ACAD11: variants seen among roughly 807,000 people sequenced by gnomAD.
The protein encoded by ACAD11 is acyl-Coenzyme A dehydrogenase family, member 11.
ACAD11 carries 83 observed loss-of-function variants against 102.2 expected under a neutral mutation model. The ratio of observed to expected loss-of-function variants is 0.81; its 90% CI spans 0.68 to 0.97. The LOEUF is 0.97. Among genes scored for constraint, ACAD11 ranks in the 50% least tolerant of loss-of-function variants. The probability of loss-of-function intolerance (pLI) is 0.00; values close to 1 mark genes in which losing one functional copy is unlikely to be tolerated. For missense variants in ACAD11, 901 were observed against 951.7 expected, an observed-to-expected ratio of 0.95 and a Z score of 0.70; for synonymous variants, 324 against 319.8, an observed-to-expected ratio of 1.01 and a Z score of -0.14.
intron 17 of ACAD11, among the ~76,000 whole-genome samples, chr3:132,569,978 G>A (rs774211275): frequency 5.9e-5 from 9 of 152,172 alleles, no homozygotes; most frequent in Non-Finnish European, 1.3e-4. Flanking sequence ...GGATTCAAGA[G>A]ATCTATATGT....
chr3:132,650,565 C>T (rs550207756), intron 1 of ACAD11, among the ~76,000 whole-genome samples: 2 of 152,196 alleles, frequency 1.3e-5, no homozygotes, highest in Admixed American at 6.5e-5. Context: ...TCTGAATATA[C>T]ACAGGGTAAG....
chr3:132,619,561 GA>G lies in ACAD11; in HGVS notation c.1198-17del. On this transcript the variant is annotated splice_polypyrimidine_tract_variant and intron_variant, in intron 9 of 19. Coordinates refer to ENST00000264990, the MANE Select transcript of ACAD11 (RefSeq NM_032169.5). ...CAGTTACCTCCTTAAAGTAATAAAA[GA>G]AAAAAATTTCACTAGCTAAAGTTAA... is the stretch of plus-strand genomic sequence containing the variant. The G allele has an allele frequency of 1.4e-6, 2 of 1,478,208 alleles. No homozygotes were observed. Among genetic ancestry groups the G allele is most frequent in the Non-Finnish European group, 9.1e-7 (1 of 1,093,748 alleles). 91.6% of individuals were successfully genotyped at this position (1,478,208 alleles called of 1,614,324 possible).
chr3:132,646,137 C>T (rs1940708930), intron 1 of ACAD11, among the ~76,000 whole-genome samples: 1 of 152,132 alleles, frequency 6.6e-6, no homozygotes. Context: ...CCACCGCACC[C>T]GGCTAATTTT....
chr3:132,579,634 C>T, intron 13 of ACAD11, 76 bp from the exon 14 acceptor site: 2 of 1,169,086 alleles, frequency 1.7e-6, no homozygotes, highest in Admixed American at 3.6e-5. Flanking sequence ...GGTTCTAATC[C>T]TTCCCACTTT....
intron 1 of ACAD11, among the ~76,000 whole-genome samples, chr3:132,655,339 A>T (rs146247783): frequency 3.9e-5 from 6 of 152,250 alleles, no homozygotes; most frequent in Non-Finnish European, 7.4e-5. Flanking sequence ...GTTTGTTTAA[A>T]GATTACTTCC....
Position 132,627,239 on chromosome 3 carries a change from T to C in ACAD11, c.1071-422A>G, listed in dbSNP as rs147612612. Among the ~76,000 whole-genome samples the C allele has an allele frequency of 2.7e-3, 411 of 152,280 alleles. 2 individuals are homozygous for C. Among genetic ancestry groups the C allele is most frequent in the African/African-American group, 9.5e-3 (396 of 41,550 alleles). On this transcript the variant is annotated intron_variant, in intron 8 of 19. Coordinates refer to ENST00000264990, the MANE Select transcript of ACAD11 (RefSeq NM_032169.5). ...TCAAGTGTGGTAGCCTGGTATTCAA[T>C]GTGTGAGGTGGGCGCCTGTTGGCAG...
intron 2 of ACAD11, among the ~76,000 whole-genome samples, chr3:132,643,699 G>C (rs772112590): frequency 3.9e-5 from 6 of 152,120 alleles, no homozygotes; most frequent in Non-Finnish European, 7.4e-5. Context: ...GTGGAAAGAA[G>C]TGTTAACCAC....
intron 1 of ACAD11, among the ~76,000 whole-genome samples, chr3:132,649,006 C>T (rs1940821556): frequency 6.6e-6 from 1 of 152,224 alleles, no homozygotes; most frequent in African/African-American, 2.4e-5. Context: ...GCCTTGTTAA[C>T]AAAATGTTTA....
chr3:132,618,399 G>A (rs1335159796), intron 11 of ACAD11: 1 of 443,228 alleles, frequency 2.3e-6, no homozygotes, highest in Non-Finnish European at 3.9e-6. Context: ...CAATCCCTTT[G>A]GTGGCTAATT....
chr3:132,587,385 A>G (rs1481949046), intron 13 of ACAD11, among the ~76,000 whole-genome samples: 1 of 151,798 alleles, frequency 6.6e-6, no homozygotes, highest in Non-Finnish European at 1.5e-5. Context: ...TTCCTCTGTT[A>G]TCTCCATTAT....
At chr3:132,577,052 T>G (rs1301697407) in intron 15 of ACAD11, 37 bp from the exon 16 acceptor site, 2 of 1,300,298 alleles carry the variant, frequency 1.5e-6, no homozygotes, top group Non-Finnish European at 2.2e-6. Flanking sequence ...GCAAAAGGAG[T>G]TGACTAAAAA....
At chr3:132,614,156 G>A (rs1004666217) in intron 11 of ACAD11, among the ~76,000 whole-genome samples, 35 of 152,164 alleles carry the variant, frequency 2.3e-4, no homozygotes, top group African/African-American at 8.2e-4. Context: ...ACAAACCACT[G>A]CTCAAGGAAA....
chr3:132,631,318 TA>T (rs765199537), intron 6 of ACAD11, 22 bp downstream of exon 6: 1 of 1,351,264 alleles, frequency 7.4e-7, no homozygotes, highest in South Asian at 2.2e-5. Flanking sequence ...AATAGCAATT[TA>T]GACAACATTA....
At position 132,615,376 on chromosome 3, in the gene ACAD11, G is replaced by A. The variant is rs575109132; in HGVS notation, c.1414+3258C>T. ...TTCTACTATAAAGACACATGCACAT[G>A]TATGTTTATTGCAGCACTATTCACA... is the stretch of plus-strand genomic sequence containing the variant. On this transcript the variant is annotated intron_variant, in intron 11 of 19. Transcript: ENST00000264990. 4.6e-5 allele frequency among the ~76,000 whole-genome samples: 7 copies of A among 152,284 alleles called. No individual in the cohort carries two copies. In the East Asian group the frequency reaches 1.2e-3, roughly 25 times the overall value.
At chr3:132,596,744 A>G (rs1938325689) in intron 13 of ACAD11, among the ~76,000 whole-genome samples, 1 of 152,228 alleles carries the variant, frequency 6.6e-6, no homozygotes, top group South Asian at 2.1e-4. Flanking sequence ...TGGGACAAGG[A>G]TAGAGAAAGT....
chr3:132,573,777 A>G (rs1478108435), intron 17 of ACAD11, among the ~76,000 whole-genome samples: 1 of 152,258 alleles, frequency 6.6e-6, no homozygotes, highest in Admixed American at 6.5e-5. Context: ...TTAAATGGGT[A>G]GAAACTAGGT....
At position 132,619,647 on chromosome 3, in the gene ACAD11, T is replaced by G. The variant is rs1461944945; in HGVS notation, c.1198-102A>C. 6.7e-6 allele frequency: 4 copies of G among 593,662 alleles called. No individual in the cohort carries two copies. The African/African-American group carries it at 7.7e-5, about 11-fold the overall frequency. 36.8% of individuals were successfully genotyped at this position (593,662 alleles called of 1,614,324 possible). A position where few individuals can be genotyped will look rare whatever the true frequency, so the allele number is the denominator to read the frequency against. ...TAAAATAAACATTTTTAGGTGAAGA[T>G]GCTTTTTCAGCTATTATTAAACCAG... On this transcript the variant is annotated intron_variant, in intron 9 of 19. Coordinates refer to ENST00000264990, the MANE Select transcript of ACAD11 (RefSeq NM_032169.5).
intron 5 of ACAD11, among the ~76,000 whole-genome samples, chr3:132,634,856 G>A (rs989229230): frequency 8.3e-5 from 11 of 133,268 alleles, no homozygotes; most frequent in Non-Finnish European, 1.5e-5. Flanking sequence ...ATTGAACAAT[G>A]AGAACACTTG....
At chr3:132,632,872 CTCTG>C (rs1359849090) in intron 5 of ACAD11, among the ~76,000 whole-genome samples, 3 of 152,144 alleles carry the variant, frequency 2.0e-5, no homozygotes, top group Admixed American at 6.5e-5. Context: ...TGATTTGGCT[CTCTG>C]TCTGTTATTG....
Sources: gnomAD v4.1 joint callset for allele counts (sites outside exome capture counted in the v4.1 genomes callset) on GRCh38, gnomAD v4.1.1 for gene constraint, MANE v1.5 for transcripts, NCBI Gene and HGNC (gene_info 2026-07-23, HGNC 2026-07-21) for gene names.